Variants in LIPH observed in about 807,000 individuals in gnomAD.
LIPH encodes lipase member H.
Under a neutral mutation model 47.6 loss-of-function variants are expected in LIPH, and 32 were observed. The observed-to-expected ratio is 0.67, with a 90% CI of 0.51 to 0.90. LIPH has a LOEUF of 0.90. LIPH is among the 40% of genes least tolerant of loss of function. The probability of loss-of-function intolerance (pLI) is 0.00; values close to 1 mark genes in which losing one functional copy is unlikely to be tolerated. For synonymous variants in LIPH, 190 were observed against 195.6 expected, an observed-to-expected ratio of 0.97 and a Z score of 0.24; for missense variants, 497 against 541.4, an observed-to-expected ratio of 0.92 and a Z score of 0.81.
chr3:185,526,691 A>ATAAT (rs1560163035), intron 4 of LIPH, among the ~76,000 whole-genome samples: 22 of 32,748 alleles, frequency 6.7e-4, no homozygotes, highest in African/African-American at 1.8e-3. Flanking sequence ...TATAATATAA[A>ATAAT]ATAAATAAAA....
intron 7 of LIPH, 43 bp from the exon 8 acceptor site, chr3:185,514,564 A>G: frequency 1.2e-6 from 1 of 814,416 alleles, no homozygotes; most frequent in Non-Finnish European, 2.2e-6. Flanking sequence ...AGATACTACC[A>G]ACTGATCCCC....
intron 1 of LIPH, among the ~76,000 whole-genome samples, chr3:185,550,523 T>C (rs890803551): frequency 6.6e-6 from 1 of 152,238 alleles, no homozygotes; most frequent in Non-Finnish European, 1.5e-5. Flanking sequence ...CTTGTGTTTT[T>C]GTGTTAGGGT....
chr3:185,539,268 C>T (rs1039716566), intron 1 of LIPH, among the ~76,000 whole-genome samples: 1 of 151,936 alleles, frequency 6.6e-6, no homozygotes, highest in East Asian at 1.9e-4. Flanking sequence ...TGCCCAGCCT[C>T]AAATGATATT....
In LIPH at chr3:185,508,852, C is replaced by G. The variant is rs759994648; in HGVS notation, c.1294G>C (p.Val432Leu). The G allele has an allele frequency of 1.9e-6, 3 of 1,613,528 alleles. 1 individual carries two copies. The South Asian group carries it at 3.3e-5, about 18-fold the overall frequency. Residue 432 changes from valine to leucine, a missense_variant, in exon 10 of 10, where the codon GTC (valine) becomes CTC (leucine). By Grantham distance (32) the Val-to-Leu change is conservative. Coordinates refer to ENST00000296252, the MANE Select transcript of LIPH (RefSeq NM_139248.3). ...ERPQLCRYDL[V>L]LMENVETVFQ... ...ACTGTTTCAACGTTTTCCATCAGGACAAGATCATACCGACACAGCTGAGGC... is the reference window on the plus strand; with the variant it reads ...ACTGTTTCAACGTTTTCCATCAGGAGAAGATCATACCGACACAGCTGAGGC...
At chr3:185,521,359 T>C (rs1489350634) in intron 5 of LIPH, among the ~76,000 whole-genome samples, 1 of 152,198 alleles carries the variant, frequency 6.6e-6, no homozygotes, top group Non-Finnish European at 1.5e-5. Flanking sequence ...TAGGTATTTG[T>C]TGGATGAATG....
At chr3:185,521,797 A>G (rs944861512) in intron 5 of LIPH, among the ~76,000 whole-genome samples, 12 of 152,178 alleles carry the variant, frequency 7.9e-5, no homozygotes, top group African/African-American at 2.9e-4. Context: ...GACAGTGACT[A>G]TTTCATTAAG....
intron 8 of LIPH, 139 bp downstream of exon 8, chr3:185,514,271 A>G: frequency 1.5e-6 from 1 of 658,414 alleles, no homozygotes; most frequent in Non-Finnish European, 2.8e-6. Flanking sequence ...GGAAGCAACT[A>G]AGCAATAGTT....
rs559848465 is a variant in LIPH at position 185,541,810 on chromosome 3, G to T, written c.50-6678C>A. ...CTCACTCTGTCAACCAGGCTGGAGC[G>T]CAGGGTCATGATCTTGGCTCACTAC... On this transcript the variant is annotated intron_variant, in intron 1 of 9. Transcript: ENST00000296252. Among the ~76,000 whole-genome samples, 13 of 151,362 alleles carry T rather than the reference G, an allele frequency of 8.6e-5. No individual in the cohort carries two copies. The East Asian group carries it at 1.9e-3, about 23-fold the overall frequency.
chr3:185,527,356 G>A (rs1720139844), intron 4 of LIPH, 128 bp downstream of exon 4: 1 of 776,856 alleles, frequency 1.3e-6, no homozygotes, highest in African/African-American at 1.7e-5. Flanking sequence ...GGTGGATTTG[G>A]AACCCTGCCT....
intron 1 of LIPH, 131 bp downstream of exon 1, chr3:185,552,292 T>G (rs1347162721): frequency 3.2e-6 from 2 of 634,548 alleles, no homozygotes; most frequent in Admixed American, 2.6e-5. Flanking sequence ...AGGCTTCCTA[T>G]ATCTTTTTCC....
intron 3 of LIPH, among the ~76,000 whole-genome samples, chr3:185,529,008 C>A (rs1291285285): frequency 9.5e-4 from 106 of 111,508 alleles, no homozygotes; most frequent in South Asian, 1.6e-3. Flanking sequence ...TTAAAAATAC[C>A]AAAAAAAAAA....
At chr3:185,511,409 A>T (rs1483862349) in intron 9 of LIPH, 115 bp downstream of exon 9, 1 of 985,498 alleles carries the variant, frequency 1.0e-6, no homozygotes, top group Non-Finnish European at 1.6e-6. Context: ...AAAACCCATC[A>T]TGTCCCTCAT....
At chr3:185,524,913 C>A (rs1720020187) in intron 4 of LIPH, among the ~76,000 whole-genome samples, 1 of 152,116 alleles carries the variant, frequency 6.6e-6, no homozygotes, top group Non-Finnish European at 1.5e-5. Flanking sequence ...AAGATTGGAA[C>A]TACTTCTAGA....
chr3:185,539,869 C>A (rs1479148158), intron 1 of LIPH, among the ~76,000 whole-genome samples: 1 of 152,216 alleles, frequency 6.6e-6, no homozygotes, highest in South Asian at 2.1e-4. Context: ...TGGCCGATAG[C>A]CTCCAGCTGC....
Position 185,520,514 on chromosome 3 carries a change from C to T in LIPH, c.719-1205G>A, listed in dbSNP as rs1162930484. Among the ~76,000 whole-genome samples the T allele has an allele frequency of 5.3e-5, 8 of 151,394 alleles. No individual in the cohort carries two copies. In the South Asian group the frequency reaches 1.0e-3, roughly 20 times the overall value. Reference sequence around the variant, plus strand: ...CCTGGGCGATAGAGCAAGACTCCATCCCAAAAAAAAAGAAAAAAAAAAGCA... The same window carrying T: ...CCTGGGCGATAGAGCAAGACTCCATTCCAAAAAAAAAGAAAAAAAAAAGCA... On this transcript the variant is annotated intron_variant, in intron 5 of 9. Coordinates refer to ENST00000296252, the MANE Select transcript of LIPH (RefSeq NM_139248.3).
chr3:185,527,155 C>T (rs1417192012), intron 4 of LIPH, among the ~76,000 whole-genome samples: 1 of 151,968 alleles, frequency 6.6e-6, no homozygotes, highest in Non-Finnish European at 1.5e-5. Context: ...GGGAGGATGG[C>T]GAGAACCTGG....
chr3:185,523,347 AG>A (rs1371297372), intron 5 of LIPH, among the ~76,000 whole-genome samples: 1 of 152,200 alleles, frequency 6.6e-6, no homozygotes, highest in Admixed American at 6.6e-5. Context: ...CTTCTCAGGA[AG>A]TTTGTTTTCT....
At chr3:185,530,978 T>C (rs1211662805) in intron 3 of LIPH, among the ~76,000 whole-genome samples, 1 of 152,216 alleles carries the variant, frequency 6.6e-6, no homozygotes, top group Non-Finnish European at 1.5e-5. Flanking sequence ...GTGATAACGG[T>C]GCTCTTAATA....
intron 1 of LIPH, among the ~76,000 whole-genome samples, chr3:185,538,152 C>A (rs1327665103): frequency 6.6e-6 from 1 of 152,068 alleles, no homozygotes; most frequent in Non-Finnish European, 1.5e-5. Context: ...ATGGTACTGT[C>A]CCCCGGAGAA....
Sources: allele counts gnomAD v4.1 joint callset (sites outside exome capture counted in the v4.1 genomes callset), GRCh38; gene constraint gnomAD v4.1.1; transcripts MANE v1.5; gene names NCBI Gene and HGNC (gene_info 2026-07-23, HGNC 2026-07-21).